Variants in EGF observed in about 807,000 individuals in gnomAD.
The protein encoded by EGF is pro-epidermal growth factor.
A neutral mutation model predicts 143.8 loss-of-function variants in EGF; 95 were observed. The ratio of observed to expected loss-of-function variants is 0.66; its 90% CI spans 0.56 to 0.78. EGF has a LOEUF of 0.78. EGF is among the 30% of genes least tolerant of loss of function. EGF has a pLI of 0.00. For synonymous variants in EGF, 510 were observed against 510.5 expected (o/e 1.00, Z 0.01); for missense variants, 1,320 against 1,470.9 (o/e 0.90, Z 1.68).
intron 6 of EGF, among the ~76,000 whole-genome samples, chr4:109,959,683 G>T (rs1470978169): frequency 6.6e-6 from 1 of 152,172 alleles, no homozygotes; most frequent in Non-Finnish European, 1.5e-5. Flanking sequence ...CAAACACTGA[G>T]AGGATGCTTA....
chr4:109,927,306 T>G (rs996067428), intron 1 of EGF, among the ~76,000 whole-genome samples: 3 of 152,168 alleles, frequency 2.0e-5, no homozygotes, highest in African/African-American at 7.2e-5. Flanking sequence ...TTAAACTAGA[T>G]TTTTTATCAA....
intron 5 of EGF, among the ~76,000 whole-genome samples, chr4:109,946,930 C>A (rs568395170): frequency 3.9e-5 from 6 of 152,150 alleles, no homozygotes; most frequent in African/African-American, 1.4e-4. Flanking sequence ...ACCAGTCTGG[C>A]CAACATGGCA....
chr4:109,940,136 T>A (rs1741658030), intron 1 of EGF, among the ~76,000 whole-genome samples: 1 of 152,146 alleles, frequency 6.6e-6, no homozygotes, highest in Non-Finnish European at 1.5e-5. Context: ...TATTGGGGCA[T>A]CAGAGTTGGT....
chr4:109,926,115 T>C (rs57232077), intron 1 of EGF, among the ~76,000 whole-genome samples: 1 of 152,118 alleles, frequency 6.6e-6, no homozygotes, highest in African/African-American at 2.4e-5. Flanking sequence ...AAACGTCAAA[T>C]GTCACAAGCA....
chr4:109,970,630 T>C (rs1032816374), intron 11 of EGF, among the ~76,000 whole-genome samples: 4 of 151,838 alleles, frequency 2.6e-5, no homozygotes, highest in Admixed American at 2.0e-4. Flanking sequence ...ATCGAGACCA[T>C]CCTGGCTAAC....
intron 22 of EGF, among the ~76,000 whole-genome samples, chr4:110,005,848 A>G (rs551995104): frequency 3.3e-5 from 5 of 152,218 alleles, no homozygotes; most frequent in Non-Finnish European, 7.3e-5. Context: ...GAGGTTATGG[A>G]GGAGCAAAGG....
Position 109,976,018 on chromosome 4 carries a change from A to G in EGF, c.1836A>G (p.Leu612=), listed in dbSNP as rs748185407. 2.5e-6 allele frequency: 4 copies of G among 1,613,686 alleles called. No homozygotes were observed. In the East Asian group the frequency reaches 8.9e-5, roughly 36 times the overall value. Residue 612 remains leucine (L), a synonymous_variant, in exon 13 of 24, where the codon TTA becomes TTG. Coordinates refer to ENST00000265171, the MANE Select transcript of EGF (RefSeq NM_001963.6). ...TGTGCTTTCTTGATTAAAGGAGATT[A>G]TTCTGGACTGATACAGGGATTAATC... ...GIAVHPMAKR[L]FWTDTGINPR...
intron 21 of EGF, among the ~76,000 whole-genome samples, chr4:110,003,238 G>A (rs774434218): frequency 1.3e-5 from 2 of 152,158 alleles, no homozygotes; most frequent in South Asian, 2.1e-4. Flanking sequence ...AAGCATCACC[G>A]TACCGCTTTC....
intron 5 of EGF, among the ~76,000 whole-genome samples, chr4:109,949,508 T>A (rs960142098): frequency 1.3e-5 from 2 of 152,200 alleles, no homozygotes; most frequent in Admixed American, 1.3e-4. Flanking sequence ...TTCATATGGT[T>A]GTGTGCATCA....
intron 1 of EGF, among the ~76,000 whole-genome samples, chr4:109,927,008 C>T (rs954686176): frequency 6.6e-6 from 1 of 152,188 alleles, no homozygotes; most frequent in Non-Finnish European, 1.5e-5. Context: ...TTAAAAAAAT[C>T]TTCCAAATAC....
chr4:109,952,651 C>T (rs559014090), intron 5 of EGF, among the ~76,000 whole-genome samples: 57 of 152,176 alleles, frequency 3.7e-4, no homozygotes, highest in African/African-American at 1.2e-3. Flanking sequence ...TTATTCTTCA[C>T]GGAAATATTA....
intron 16 of EGF, 29 bp downstream of exon 16, chr4:109,983,570 T>C: frequency 6.2e-7 from 1 of 1,612,818 alleles, no homozygotes; most frequent in Non-Finnish European, 8.5e-7. Context: ...CCAATATACC[T>C]TTGGTTCCAA....
intron 12 of EGF, among the ~76,000 whole-genome samples, chr4:109,975,036 C>T (rs1748267858): frequency 6.6e-6 from 1 of 152,162 alleles, no homozygotes; most frequent in Admixed American, 6.5e-5. Context: ...GAAAAATGCA[C>T]TGTAATTCAT....
intron 1 of EGF, among the ~76,000 whole-genome samples, chr4:109,940,287 G>C (rs1296580686): frequency 6.6e-6 from 1 of 152,110 alleles, no homozygotes; most frequent in Non-Finnish European, 1.5e-5. Flanking sequence ...AGTCAAATTT[G>C]AATTTCAGGT....
chr4:109,978,994 C>T (rs1748915067), intron 13 of EGF, among the ~76,000 whole-genome samples: 1 of 152,178 alleles, frequency 6.6e-6, no homozygotes, highest in Non-Finnish European at 1.5e-5. Context: ...TTGATTAAAA[C>T]ATCCAACTTC....
In EGF at chr4:109,920,236, T is replaced by G. The variant is rs1339237476; in HGVS notation, c.127+6774T>G. On this transcript the variant is annotated intron_variant, in intron 1 of 23. Coordinates refer to ENST00000265171, the MANE Select transcript of EGF (RefSeq NM_001963.6). ...TACAATAGAGGAAACTCGGAGAACC[T>G]AGCAACTTTCCAATGTAAATTGCCT... 2.0e-5 allele frequency among the ~76,000 whole-genome samples: 3 copies of G among 151,744 alleles called. No homozygotes were observed. In the East Asian group the frequency reaches 5.8e-4, roughly 29 times the overall value.
At chr4:109,995,861 G>T (rs1751723925) in intron 20 of EGF, among the ~76,000 whole-genome samples, 1 of 152,202 alleles carries the variant, frequency 6.6e-6, no homozygotes, top group South Asian at 2.1e-4. Flanking sequence ...GTGACAAAGT[G>T]TATGGCCTTG....
chr4:109,987,509 C>T (rs2126133662), intron 16 of EGF, among the ~76,000 whole-genome samples: 1 of 152,236 alleles, frequency 6.6e-6, no homozygotes, highest in African/African-American at 2.4e-5. Context: ...TCAAGTAATC[C>T]ATCCTCAGCT....
intron 1 of EGF, among the ~76,000 whole-genome samples, chr4:109,920,823 T>C (rs1302848763): frequency 6.6e-6 from 1 of 151,682 alleles, no homozygotes; most frequent in African/African-American, 2.4e-5. Context: ...TCCAGAATGC[T>C]AATATTGTTC....
Sources: allele counts gnomAD v4.1 joint callset (sites outside exome capture counted in the v4.1 genomes callset), GRCh38; gene constraint gnomAD v4.1.1; transcripts MANE v1.5; gene names NCBI Gene and HGNC (gene_info 2026-07-23, HGNC 2026-07-21).